Variants in CNTNAP2 observed in about 807,000 individuals in gnomAD.
CNTNAP2 encodes the protein contactin-associated protein-like 2.
In CNTNAP2, 98 loss-of-function variants were observed where a neutral mutation model predicts 155.2. The observed-to-expected ratio is 0.63, with a 90% confidence interval of 0.54 to 0.75. CNTNAP2 has a LOEUF of 0.75. CNTNAP2 is among the 30% of genes least tolerant of loss of function. The probability of loss-of-function intolerance (pLI) is 0.00; values close to 1 mark genes in which losing one functional copy is unlikely to be tolerated. For missense variants in CNTNAP2, 1,727 were observed against 1,688.1 expected, an observed-to-expected ratio of 1.02 and a Z score of -0.40; for synonymous variants, 651 against 631.2, an observed-to-expected ratio of 1.03 and a Z score of -0.47.
At chr7:146,369,181 G>C (rs569029617) in intron 1 of CNTNAP2, among the ~76,000 whole-genome samples, 1 of 151,596 alleles carries the variant, frequency 6.6e-6, no homozygotes, top group Non-Finnish European at 1.5e-5. Flanking sequence ...GTGTGTATGT[G>C]TGTGTATGTG....
intron 4 of CNTNAP2, among the ~76,000 whole-genome samples, chr7:147,089,966 G>A (rs956146484): frequency 3.3e-5 from 5 of 152,170 alleles, no homozygotes; most frequent in Non-Finnish European, 7.3e-5. Flanking sequence ...TGGAAGCAGA[G>A]TAGACTGAAT....
chr7:146,524,891 C>G (rs1461200944), intron 1 of CNTNAP2, among the ~76,000 whole-genome samples: 1 of 152,028 alleles, frequency 6.6e-6, no homozygotes, highest in African/African-American at 2.4e-5. Flanking sequence ...CAAGGGCTCT[C>G]CTGGCTACCT....
intron 3 of CNTNAP2, among the ~76,000 whole-genome samples, chr7:146,929,840 T>C (rs186939590): frequency 0.01 from 1,539 of 151,842 alleles, 24 homozygotes; most frequent in African/African-American, 0.036. Flanking sequence ...AGGGTATCAG[T>C]GATGGAAGAT....
At chr7:147,321,009 A>G (rs1350491298) in intron 9 of CNTNAP2, among the ~76,000 whole-genome samples, 1 of 152,094 alleles carries the variant, frequency 6.6e-6, no homozygotes, top group Non-Finnish European at 1.5e-5. Context: ...CTTCTAATCT[A>G]TTTTCTTTCA....
At chr7:147,783,861 G>C (rs2116559856) in intron 13 of CNTNAP2, among the ~76,000 whole-genome samples, 1 of 152,316 alleles carries the variant, frequency 6.6e-6, no homozygotes. Context: ...ACTAGCAGCT[G>C]TAACTTCAAC....
intron 3 of CNTNAP2, among the ~76,000 whole-genome samples, chr7:146,982,790 C>A (rs1798043709): frequency 6.6e-6 from 1 of 152,010 alleles, no homozygotes; most frequent in Non-Finnish European, 1.5e-5. Flanking sequence ...GTCAAAAGGT[C>A]CAGAGAAGAA....
intron 1 of CNTNAP2, among the ~76,000 whole-genome samples, chr7:146,726,392 AT>A (rs1005907710): frequency 9.9e-5 from 15 of 151,732 alleles, no homozygotes; most frequent in Non-Finnish European, 2.1e-4. Flanking sequence ...TAAGAGAACT[AT>A]TTTTTTTCTT....
chr7:146,969,157 T>C (rs1206073922), intron 3 of CNTNAP2, among the ~76,000 whole-genome samples: 1 of 152,008 alleles, frequency 6.6e-6, no homozygotes, highest in Non-Finnish European at 1.5e-5. Context: ...CTAGTTTGAT[T>C]GCACTGTGGT....
At chr7:146,857,778 T>C (rs1334329910) in intron 3 of CNTNAP2, among the ~76,000 whole-genome samples, 1 of 152,166 alleles carries the variant, frequency 6.6e-6, no homozygotes, top group African/African-American at 2.4e-5. Flanking sequence ...CTGATGTAAG[T>C]GATGAGTAGT....
chr7:147,657,231 G>A lies in CNTNAP2; in HGVS notation c.2098+17925G>A, dbSNP rs190577732. 3.9e-3 allele frequency among the ~76,000 whole-genome samples: 594 copies of A among 151,588 alleles called. 3 individuals carry two copies. Among genetic ancestry groups the A allele is most frequent in the Non-Finnish European group, 6.1e-3 (412 of 67,854 alleles). On this transcript the variant is annotated intron_variant, in intron 13 of 23. Coordinates refer to ENST00000361727, the MANE Select transcript of CNTNAP2 (RefSeq NM_014141.6). ...TAACATATGTGGGGAGAATAATCAGGCTGTAGGTAACTAAAAGTTGACTGT... is the reference window on the plus strand; with the variant it reads ...TAACATATGTGGGGAGAATAATCAGACTGTAGGTAACTAAAAGTTGACTGT...
chr7:146,249,879 T>A (rs533549874), intron 1 of CNTNAP2, among the ~76,000 whole-genome samples: 1 of 152,100 alleles, frequency 6.6e-6, no homozygotes, highest in Non-Finnish European at 1.5e-5. Context: ...ATGAGAGACT[T>A]TTCTTGAAAA....
chr7:148,036,564 G>A (rs1347735371), intron 15 of CNTNAP2, among the ~76,000 whole-genome samples: 2 of 152,036 alleles, frequency 1.3e-5, no homozygotes, highest in Non-Finnish European at 2.9e-5. Flanking sequence ...ACAAGACACG[G>A]ATGCCTTGAT....
chr7:147,849,278 C>T (rs559224646), intron 13 of CNTNAP2, among the ~76,000 whole-genome samples: 3 of 152,088 alleles, frequency 2.0e-5, no homozygotes, highest in East Asian at 3.9e-4. Flanking sequence ...TCAATAAACA[C>T]GATTATGAAT....
At chr7:147,160,572 A>C (rs559514171) in intron 8 of CNTNAP2, among the ~76,000 whole-genome samples, 2 of 152,242 alleles carry the variant, frequency 1.3e-5, no homozygotes, top group Non-Finnish European at 2.9e-5. Flanking sequence ...CAATATGCCC[A>C]TTATAGGAAA....
chr7:146,377,881 A>C (rs1056850635), intron 1 of CNTNAP2, among the ~76,000 whole-genome samples: 1 of 152,210 alleles, frequency 6.6e-6, no homozygotes, highest in Non-Finnish European at 1.5e-5. Flanking sequence ...ATTCTGATTC[A>C]ATAGGCCCAA....
At chr7:146,863,581 G>A (rs752140356) in intron 3 of CNTNAP2, among the ~76,000 whole-genome samples, 6 of 151,998 alleles carry the variant, frequency 3.9e-5, no homozygotes, top group South Asian at 2.1e-4. Flanking sequence ...ATTAAGAGAA[G>A]AATTAGAAGA....
intron 2 of CNTNAP2, among the ~76,000 whole-genome samples, chr7:146,791,448 A>G (rs939298896): frequency 6.6e-6 from 1 of 152,308 alleles, no homozygotes; most frequent in South Asian, 2.1e-4. Context: ...TCCTTTGGGT[A>G]TCAGTCTTAA....
At chr7:146,550,420 T>TTTTTTG (rs1798103316) in intron 1 of CNTNAP2, among the ~76,000 whole-genome samples, 12 of 138,326 alleles carry the variant, frequency 8.7e-5, no homozygotes, top group Non-Finnish European at 1.6e-4. Flanking sequence ...TTTTTTTTTT[T>TTTTTTG]TTTTTTTTTA....
At chr7:146,926,885 T>A (rs1036912184) in intron 3 of CNTNAP2, among the ~76,000 whole-genome samples, 3 of 152,130 alleles carry the variant, frequency 2.0e-5, no homozygotes, top group African/African-American at 7.2e-5. Flanking sequence ...ATTTTAGAGC[T>A]TCTATTGCTC....
Sources: allele counts gnomAD v4.1 joint callset (sites outside exome capture counted in the v4.1 genomes callset), GRCh38; gene constraint gnomAD v4.1.1; transcripts MANE v1.5; gene names NCBI Gene and HGNC (gene_info 2026-07-23, HGNC 2026-07-21).